Variants in TAF3 observed in about 807,000 individuals in gnomAD.
TAF3 encodes TATA-box binding protein associated factor 3.
A neutral mutation model predicts 80.6 loss-of-function variants in TAF3; 7 were observed. That is an observed-to-expected ratio of 0.09 (90% confidence interval 0.05 to 0.16). TAF3 has a LOEUF of 0.16. Among genes scored for constraint, TAF3 ranks in the 10% least tolerant of loss-of-function variants. The pLI is 1.00. For missense variants in TAF3, 921 were observed against 1,140.2 expected (o/e 0.81, Z 2.77); for synonymous variants, 444 against 446.1 (o/e 1.00, Z 0.06).
rs71505465 is a variant in TAF3, at chr10:7,842,151, G to GTTTTTTTTTTTTTTTTTT, written c.409+17603_409+17604insTTTTTTTTTTTTTTTTTT. 6.1e-5 allele frequency among the ~76,000 whole-genome samples: 6 copies of GTTTTTTTTTTTTTTTTTT among 98,746 alleles called. 2 individuals are homozygous for GTTTTTTTTTTTTTTTTTT. The highest frequency in any genetic ancestry group is 1.1e-4 in the Non-Finnish European group (5 of 46,640). 64.8% of individuals were successfully genotyped at this position (98,746 alleles called of 152,430 possible). ...CATTGTAGGATATTGAATTAATATT[G>GTTTTTTTTTTTTTTTTTT]TTTTTTTTTTTTGTTTTTTTTTTTG... On this transcript the variant is annotated intron_variant, in intron 2 of 6. Transcript: ENST00000344293.
chr10:7,833,731 C>T, intron 2 of TAF3: 2 of 228,342 alleles, frequency 8.8e-6, no homozygotes, highest in Non-Finnish European at 1.9e-5. Flanking sequence ...AAATTCTTCT[C>T]CTCAGTGGTG....
chr10:7,919,860 C>T (rs1837746424), intron 2 of TAF3, among the ~76,000 whole-genome samples: 1 of 151,906 alleles, frequency 6.6e-6, no homozygotes, highest in African/African-American at 2.4e-5. Context: ...ACATTTTTTC[C>T]CTTGTATGTA....
intron 4 of TAF3, among the ~76,000 whole-genome samples, chr10:8,003,341 A>G (rs551461584): frequency 1.4e-4 from 21 of 151,980 alleles, no homozygotes; most frequent in African/African-American, 5.1e-4. Context: ...CCTTTACACT[A>G]CAGTTTATAT....
At chr10:7,994,989 A>G (rs1022063808) in intron 4 of TAF3, among the ~76,000 whole-genome samples, 2 of 150,898 alleles carry the variant, frequency 1.3e-5, no homozygotes, top group Admixed American at 6.6e-5. Flanking sequence ...AAAAAAAAAA[A>G]AAAAAAGAAA....
chr10:7,850,695 GTA>G (rs536986979), intron 2 of TAF3, among the ~76,000 whole-genome samples: 1 of 130,910 alleles, frequency 7.6e-6, no homozygotes, highest in Non-Finnish European at 1.7e-5. Flanking sequence ...AAATATATAT[GTA>G]TATATATATA....
intron 2 of TAF3, among the ~76,000 whole-genome samples, chr10:7,856,517 A>AT (rs912913691): frequency 2.6e-5 from 4 of 152,120 alleles, no homozygotes; most frequent in Non-Finnish European, 5.9e-5. Context: ...AAGAGAAAAG[A>AT]TTTTTTAAAA....
At chr10:7,963,799 A>T in intron 2 of TAF3, 121 bp from the exon 3 acceptor site, 2 of 1,058,344 alleles carry the variant, frequency 1.9e-6, no homozygotes, top group Non-Finnish European at 2.6e-6. Context: ...CCTAGAACTT[A>T]AAGTATAATA....
At chr10:7,866,040 G>T (rs1339769630) in intron 2 of TAF3, among the ~76,000 whole-genome samples, 1 of 152,198 alleles carries the variant, frequency 6.6e-6, no homozygotes, top group African/African-American at 2.4e-5. Context: ...TGGTGGGAAA[G>T]AATATTTGAG....
intron 2 of TAF3, among the ~76,000 whole-genome samples, chr10:7,856,681 G>GA (rs1837083120): frequency 6.6e-6 from 1 of 151,918 alleles, no homozygotes; most frequent in East Asian, 1.9e-4. Context: ...GGGCTCCTTC[G>GA]AAAAATGGCT....
At chr10:7,951,275 C>T (rs895877970) in intron 2 of TAF3, among the ~76,000 whole-genome samples, 3 of 152,202 alleles carry the variant, frequency 2.0e-5, no homozygotes, top group Non-Finnish European at 4.4e-5. Flanking sequence ...AAACAGCAAC[C>T]GTTTACTAGC....
intron 3 of TAF3, among the ~76,000 whole-genome samples, chr10:7,974,618 C>T (rs1831652718): frequency 6.6e-6 from 1 of 151,928 alleles, no homozygotes; most frequent in South Asian, 2.1e-4. Flanking sequence ...ATGAGAAGAC[C>T]TATAATGGGA....
intron 2 of TAF3, among the ~76,000 whole-genome samples, chr10:7,925,275 G>T (rs1837803834): frequency 6.6e-6 from 1 of 152,230 alleles, no homozygotes; most frequent in Admixed American, 6.5e-5. Flanking sequence ...GTGTGGACAT[G>T]TGTGTGGACC....
intron 4 of TAF3, among the ~76,000 whole-genome samples, chr10:7,985,074 C>T (rs1031996409): frequency 1.3e-5 from 2 of 152,222 alleles, no homozygotes; most frequent in African/African-American, 4.8e-5. Context: ...CTTCGCTTTT[C>T]CCACGCCTGC....
intron 1 of TAF3, among the ~76,000 whole-genome samples, chr10:7,821,207 C>G (rs1836687085): frequency 1.0e-5 from 1 of 98,460 alleles, no homozygotes; most frequent in Non-Finnish European, 2.1e-5. Context: ...TCATTATTCC[C>G]ACGTAATTTG....
At chr10:7,859,175 G>A (rs978678863) in intron 2 of TAF3, among the ~76,000 whole-genome samples, 10 of 151,892 alleles carry the variant, frequency 6.6e-5, no homozygotes, top group African/African-American at 2.4e-4. Context: ...GCAGGAGAAT[G>A]GCGTGAACCC....
At chr10:7,906,605 T>G (rs566896966) in intron 2 of TAF3, among the ~76,000 whole-genome samples, 1 of 152,218 alleles carries the variant, frequency 6.6e-6, no homozygotes, top group South Asian at 2.1e-4. Context: ...AATGTGACAC[T>G]GACAAAGGCT....
At chr10:7,893,991 A>G (rs1191765086) in intron 2 of TAF3, among the ~76,000 whole-genome samples, 1 of 152,164 alleles carries the variant, frequency 6.6e-6, no homozygotes, top group Non-Finnish European at 1.5e-5. Flanking sequence ...CAGAGTAGGT[A>G]CAAAACTCAA....
intron 2 of TAF3, among the ~76,000 whole-genome samples, chr10:7,871,552 T>G (rs957066716): frequency 2.7e-5 from 4 of 150,632 alleles, no homozygotes; most frequent in Non-Finnish European, 4.4e-5. Flanking sequence ...CAAGTGATTC[T>G]GCTGCCTCAG....
At chr10:7,908,705 A>G (rs566178015) in intron 2 of TAF3, among the ~76,000 whole-genome samples, 1 of 152,324 alleles carries the variant, frequency 6.6e-6, no homozygotes, top group Admixed American at 6.5e-5. Flanking sequence ...GATCTCAAAC[A>G]TTTTTCAAGC....
Sources: gnomAD v4.1 joint callset for allele counts (sites outside exome capture counted in the v4.1 genomes callset) on GRCh38, gnomAD v4.1.1 for gene constraint, MANE v1.5 for transcripts, NCBI Gene and HGNC (gene_info 2026-07-23, HGNC 2026-07-21) for gene names.